The following MYT1L variants were observed in gnomAD, a reference collection of about 807,000 sequenced individuals.
The protein encoded by MYT1L is myelin transcription factor 1 like.
Under a neutral mutation model 126.7 loss-of-function variants are expected in MYT1L, and 12 were observed. That is an observed-to-expected ratio of 0.09 (90% confidence interval 0.06 to 0.15). The LOEUF is 0.15. Among genes scored for constraint, MYT1L ranks in the 10% least tolerant of loss-of-function variants. The pLI is 1.00. For synonymous variants in MYT1L, 541 were observed against 604.2 expected, an observed-to-expected ratio of 0.90 and a Z score of 1.53; for missense variants, 979 against 1,585.2, an observed-to-expected ratio of 0.62 and a Z score of 6.49.
chr2:2,147,202 C>A (rs2085020739), intron 3 of MYT1L, among the ~76,000 whole-genome samples: 1 of 152,220 alleles, frequency 6.6e-6, no homozygotes. Flanking sequence ...AACCTCACAT[C>A]TAATGATAAT....
At chr2:2,061,300 G>A (rs1004346522) in intron 3 of MYT1L, among the ~76,000 whole-genome samples, 2 of 152,192 alleles carry the variant, frequency 1.3e-5, no homozygotes, top group Non-Finnish European at 2.9e-5. Context: ...GTGCAGAGCC[G>A]AGTCACGGGG....
chr2:2,197,744 C>T (rs1215092418), intron 2 of MYT1L, among the ~76,000 whole-genome samples: 4 of 144,768 alleles, frequency 2.8e-5, no homozygotes, highest in Admixed American at 1.4e-4. Flanking sequence ...CACATATATA[C>T]ACACATGCAC....
At chr2:2,262,847 A>G (rs1395715156) in intron 2 of MYT1L, among the ~76,000 whole-genome samples, 1 of 144,864 alleles carries the variant, frequency 6.9e-6, no homozygotes, top group African/African-American at 2.6e-5. Flanking sequence ...TTTCTTTCGT[A>G]GATTATGTTA....
At chr2:1,846,373 A>G (rs1029077648) in intron 19 of MYT1L, among the ~76,000 whole-genome samples, 2 of 152,224 alleles carry the variant, frequency 1.3e-5, no homozygotes, top group Admixed American at 6.5e-5. Context: ...TAAATGATTA[A>G]TAATTTCCTA....
chr2:1,998,595 G>A (rs1173905559), intron 4 of MYT1L, among the ~76,000 whole-genome samples: 2 of 152,144 alleles, frequency 1.3e-5, no homozygotes, highest in African/African-American at 4.8e-5. Context: ...TGTATGTCTT[G>A]TCAAGAACAT....
At chr2:2,244,780 C>T (rs2094502383) in intron 2 of MYT1L, among the ~76,000 whole-genome samples, 1 of 152,182 alleles carries the variant, frequency 6.6e-6, no homozygotes, top group Non-Finnish European at 1.5e-5. Flanking sequence ...GAATGGGCTG[C>T]CCTGCAGCCT....
At position 1,821,945 on chromosome 2, in the gene MYT1L, C is replaced by G. The variant is rs143493819; in HGVS notation, c.3081-12778G>C. On this transcript the variant is annotated intron_variant, in intron 21 of 24. Coordinates refer to ENST00000647738, the MANE Select transcript of MYT1L (RefSeq NM_001303052.2). The stretch of plus-strand genomic sequence containing the variant: ...TATCCTTCTGCCGGGGAGAAGGAGG[C>G]CTGTGGCAGGGCATCCGGGAGTCGA... Among the ~76,000 whole-genome samples, 147 of 152,334 alleles carry G rather than the reference C, an allele frequency of 9.6e-4. 1 individual carries two copies. The highest frequency in any genetic ancestry group is 3.2e-3 in the African/African-American group (134 of 41,572).
intron 2 of MYT1L, among the ~76,000 whole-genome samples, chr2:2,248,477 T>C (rs186436244): frequency 1.8e-4 from 27 of 152,144 alleles, no homozygotes; most frequent in Non-Finnish European, 3.2e-4. Flanking sequence ...AATCCTACTC[T>C]AACTGTTTGA....
rs1185184965 is a variant in MYT1L at position 1,793,632 on chromosome 2, C to A, written c.3277-1168G>T. On this transcript the variant is annotated intron_variant, in intron 23 of 24. Transcript: ENST00000647738. The surrounding 1 kb of genome is among the most constrained non-coding windows in gnomAD (Gnocchi z 4.6). ...CAGACCCTCTGTTAGAAAACTGAAGCACCTCAGAGGCGCCCTCCAGGATGA... is the reference window on the plus strand; with the variant it reads ...CAGACCCTCTGTTAGAAAACTGAAGAACCTCAGAGGCGCCCTCCAGGATGA... Among the ~76,000 whole-genome samples, 1 of 152,188 alleles carries A rather than the reference C, an allele frequency of 6.6e-6. No individual in the cohort carries two copies. Among genetic ancestry groups the A allele is most frequent in the East Asian group, 1.9e-4 (1 of 5,176 alleles).
rs1225709265 is a variant in MYT1L at position 2,005,155 on chromosome 2, A to C, written c.-157-7808T>G. ...GCATGCATTCTTTCCTGCAGGCATT[A>C]TTTCCTGCATATGTTCTTTCCTGCA... On this transcript the variant is annotated intron_variant, in intron 4 of 24. Transcript: ENST00000647738. Among the ~76,000 whole-genome samples, 461 of 73,860 alleles carry C rather than the reference A, an allele frequency of 6.2e-3. No homozygotes were observed. In the Middle Eastern group the frequency reaches 0.075, roughly 12 times the overall value. The allele number at this position is 73,860 out of a possible 152,430, so 48.5% of individuals were successfully genotyped here.
chr2:2,311,377 T>G (rs2095967974), intron 1 of MYT1L, among the ~76,000 whole-genome samples: 1 of 152,248 alleles, frequency 6.6e-6, no homozygotes, highest in South Asian at 2.1e-4. Context: ...GCTACTGCTC[T>G]GCCTTATCTA....
chr2:1,880,411 C>T (rs1018236996), intron 18 of MYT1L, among the ~76,000 whole-genome samples: 1 of 152,116 alleles, frequency 6.6e-6, no homozygotes, highest in African/African-American at 2.4e-5. Context: ...GATCTCGGCT[C>T]ACTGCGACCT....
intron 19 of MYT1L, among the ~76,000 whole-genome samples, chr2:1,847,498 G>A (rs939240319): frequency 1.3e-5 from 2 of 152,118 alleles, no homozygotes; most frequent in East Asian, 1.9e-4. Flanking sequence ...AGAGAATGAG[G>A]AGCACCCCTG....
intron 21 of MYT1L, among the ~76,000 whole-genome samples, chr2:1,823,028 C>T (rs551378110): frequency 1.3e-5 from 2 of 152,304 alleles, no homozygotes; most frequent in African/African-American, 4.8e-5. Context: ...GGCCCCTACA[C>T]CTGTGAAAGG....
chr2:2,194,881 A>G (rs1559299816), intron 2 of MYT1L, among the ~76,000 whole-genome samples: 1 of 152,232 alleles, frequency 6.6e-6, no homozygotes, highest in Non-Finnish European at 1.5e-5. Context: ...ATGGAATGCT[A>G]AGGATAAATG....
chr2:2,193,134 C>T (rs750832099), intron 2 of MYT1L, among the ~76,000 whole-genome samples: 5 of 152,098 alleles, frequency 3.3e-5, no homozygotes, highest in South Asian at 2.1e-4. Context: ...CCCACCACCA[C>T]GCCTGGCTAT....
intron 19 of MYT1L, among the ~76,000 whole-genome samples, chr2:1,850,152 TC>T (rs1183633849): frequency 7.5e-6 from 1 of 133,604 alleles, no homozygotes; most frequent in Non-Finnish European, 1.6e-5. Flanking sequence ...TCCCTTTCCT[TC>T]CCCTTCCCTT....
intron 1 of MYT1L, among the ~76,000 whole-genome samples, chr2:2,306,932 A>G (rs868823359): frequency 6.6e-6 from 1 of 152,234 alleles, no homozygotes; most frequent in South Asian, 2.1e-4. Flanking sequence ...ACACCTTGCT[A>G]AAGTTCAAAA....
intron 13 of MYT1L, among the ~76,000 whole-genome samples, chr2:1,906,292 C>A (rs918239164): frequency 6.6e-6 from 1 of 151,910 alleles, no homozygotes; most frequent in Non-Finnish European, 1.5e-5. Context: ...CTTTTTGTTT[C>A]TCAGGCTTTA....
Sources: gnomAD v4.1 joint callset for allele counts (sites outside exome capture counted in the v4.1 genomes callset) on GRCh38, gnomAD v4.1.1 for gene constraint, Gnocchi (gnomAD v3.1) non-coding constraint, MANE v1.5 for transcripts, NCBI Gene and HGNC (gene_info 2026-07-23, HGNC 2026-07-21) for gene names.